ZNF804B: variants seen among roughly 807,000 people sequenced by gnomAD.
ZNF804B encodes the protein zinc finger protein 804B, also known as zinc finger 804B.
Under a neutral mutation model 101.4 loss-of-function variants are expected in ZNF804B, and 80 were observed. That is an observed-to-expected ratio of 0.79 (90% CI 0.66 to 0.95). The LOEUF (loss-of-function observed/expected upper bound fraction) is 0.95, where lower values mean the gene tolerates loss of function less well. Among genes scored for constraint, ZNF804B ranks in the 40% least tolerant of loss-of-function variants. The pLI, the probability that ZNF804B is intolerant of heterozygous loss-of-function variation, is 0.00. For missense variants in ZNF804B, 1,673 were observed against 1,561.9 expected, an observed-to-expected ratio of 1.07 and a Z score of -1.20; for synonymous variants, 622 against 558.8, an observed-to-expected ratio of 1.11 and a Z score of -1.59.
At chr7:88,823,284 T>C (rs374476445) in intron 1 of ZNF804B, among the ~76,000 whole-genome samples, 1 of 152,118 alleles carries the variant, frequency 6.6e-6, no homozygotes, top group East Asian at 1.9e-4. Context: ...AGTGCATATA[T>C]ACAGTAGTGA....
In ZNF804B at chr7:88,980,694, T is replaced by G. The variant is rs147531722; in HGVS notation, c.108+220610T>G. On this transcript the variant is annotated intron_variant, in intron 1 of 3. Coordinates refer to ENST00000333190, the MANE Select transcript of ZNF804B (RefSeq NM_181646.5). ...GTCTCTCTCTTCATGCTGAACTCCA[T>G]GAAGCTGGGGAGGGGGTGACACAAG... Among the ~76,000 whole-genome samples, 784 of 152,094 alleles carry G rather than the reference T, an allele frequency of 5.2e-3. 3 individuals are homozygous for G. The highest frequency in any genetic ancestry group is 0.017 in the African/African-American group (724 of 41,546).
At chr7:88,787,106 C>A (rs1790314007) in intron 1 of ZNF804B, among the ~76,000 whole-genome samples, 1 of 151,822 alleles carries the variant, frequency 6.6e-6, no homozygotes, top group African/African-American at 2.4e-5. Context: ...GTGATAGAAG[C>A]AAAGAGCATG....
chr7:88,884,459 TTCTA>T (rs1294551634), intron 1 of ZNF804B, among the ~76,000 whole-genome samples: 3 of 151,938 alleles, frequency 2.0e-5, no homozygotes, highest in South Asian at 2.1e-4. Flanking sequence ...TCTATCTATC[TTCTA>T]TCTATCTAAT....
chr7:89,086,135 TTTTA>T (rs532745843), intron 1 of ZNF804B, among the ~76,000 whole-genome samples: 11 of 152,068 alleles, frequency 7.2e-5, no homozygotes, highest in Non-Finnish European at 1.0e-4. Flanking sequence ...CCTGCTGTGA[TTTTA>T]TTTATTTATT....
intron 1 of ZNF804B, among the ~76,000 whole-genome samples, chr7:89,058,469 A>G (rs534035037): frequency 1.7e-4 from 26 of 152,292 alleles, no homozygotes; most frequent in African/African-American, 6.3e-4. Context: ...TATTTTAACT[A>G]TAATATACTA....
At chr7:89,217,120 G>A (rs752452593) in intron 1 of ZNF804B, among the ~76,000 whole-genome samples, 1 of 152,160 alleles carries the variant, frequency 6.6e-6, no homozygotes, top group Non-Finnish European at 1.5e-5. Context: ...CAAAAAATTG[G>A]TGGAATAAAT....
chr7:89,108,211 TA>T (rs1790164086), intron 1 of ZNF804B, among the ~76,000 whole-genome samples: 1 of 141,390 alleles, frequency 7.1e-6, no homozygotes, highest in Non-Finnish European at 1.5e-5. Context: ...TATGAAGTTA[TA>T]TAATTAGCTG....
chr7:89,215,472 C>T (rs890805004), intron 1 of ZNF804B, among the ~76,000 whole-genome samples: 2 of 151,838 alleles, frequency 1.3e-5, no homozygotes, highest in African/African-American at 4.8e-5. Flanking sequence ...CCTGAATTTT[C>T]AGTTGTTCCC....
rs551434476 is a variant in ZNF804B at position 88,792,542 on chromosome 7, C to G, written c.108+32458C>G. ...GCTAATCCTGGACCAAGGATTGTAT[C>G]TTTGTTGAACGTTTTCTCTATTCCT... On this transcript the variant is annotated intron_variant, in intron 1 of 3. Transcript: ENST00000333190. Among the ~76,000 whole-genome samples the G allele has an allele frequency of 2.6e-5, 4 of 152,208 alleles. No individual in the cohort carries two copies. The East Asian group carries it at 5.8e-4, about 22-fold the overall frequency.
chr7:89,206,492 C>A (rs1339406291), intron 1 of ZNF804B, among the ~76,000 whole-genome samples: 1 of 152,158 alleles, frequency 6.6e-6, no homozygotes, highest in African/African-American at 2.4e-5. Context: ...TGGCTCATGC[C>A]TGTAATCCCA....
chr7:88,868,295 C>T (rs1791767264), intron 1 of ZNF804B, among the ~76,000 whole-genome samples: 1 of 152,004 alleles, frequency 6.6e-6, no homozygotes, highest in Non-Finnish European at 1.5e-5. Flanking sequence ...CCTTGCTGCT[C>T]ATTGAACAGC....
intron 1 of ZNF804B, among the ~76,000 whole-genome samples, chr7:88,848,919 G>A (rs1463785887): frequency 6.6e-6 from 1 of 152,042 alleles, no homozygotes; most frequent in Non-Finnish European, 1.5e-5. Context: ...TTCCTGAACA[G>A]GAGAGAGATG....
chr7:89,133,605 A>G (rs1350797479), intron 1 of ZNF804B, among the ~76,000 whole-genome samples: 1 of 152,042 alleles, frequency 6.6e-6, no homozygotes, highest in Non-Finnish European at 1.5e-5. Context: ...GCTGTGTTCC[A>G]TACAAAAGTC....
At chr7:89,248,450 A>G (rs1789484759) in intron 2 of ZNF804B, among the ~76,000 whole-genome samples, 1 of 145,712 alleles carries the variant, frequency 6.9e-6, no homozygotes, top group Non-Finnish European at 1.5e-5. Flanking sequence ...TTGGAGGCCT[A>G]TTTTCAGCAT....
At chr7:89,229,198 G>A (rs1163167851) in intron 2 of ZNF804B, among the ~76,000 whole-genome samples, 2 of 152,226 alleles carry the variant, frequency 1.3e-5, no homozygotes, top group African/African-American at 4.8e-5. Context: ...GGGCTGAAGG[G>A]CTCCTCAAGT....
At chr7:89,286,500 C>G (rs1247357214) in intron 2 of ZNF804B, among the ~76,000 whole-genome samples, 3 of 152,104 alleles carry the variant, frequency 2.0e-5, no homozygotes, top group Admixed American at 6.5e-5. Flanking sequence ...TACAACAGAG[C>G]CAGTCAAGAA....
chr7:89,295,307 T>C (rs1790364546), intron 2 of ZNF804B, among the ~76,000 whole-genome samples: 2 of 152,154 alleles, frequency 1.3e-5, no homozygotes, highest in South Asian at 4.1e-4. Flanking sequence ...CAGTACAAGA[T>C]GCTATGTAGT....
intron 1 of ZNF804B, among the ~76,000 whole-genome samples, chr7:88,894,891 A>T (rs1199952161): frequency 6.6e-6 from 1 of 152,106 alleles, no homozygotes; most frequent in Non-Finnish European, 1.5e-5. Context: ...AGGGTAGTTA[A>T]ACTATCCTGT....
At chr7:88,766,978 A>G (rs1789993922) in intron 1 of ZNF804B, among the ~76,000 whole-genome samples, 1 of 152,202 alleles carries the variant, frequency 6.6e-6, no homozygotes, top group Non-Finnish European at 1.5e-5. Flanking sequence ...GAGGCAGAAT[A>G]TAGCTTATTT....
Sources: allele counts gnomAD v4.1 joint callset (sites outside exome capture counted in the v4.1 genomes callset), GRCh38; gene constraint gnomAD v4.1.1; transcripts MANE v1.5; gene names NCBI Gene and HGNC (gene_info 2026-07-23, HGNC 2026-07-21).